Variants in EPB41L4A observed in about 807,000 individuals in gnomAD.
EPB41L4A encodes the protein band 4.1-like protein 4A.
Under a neutral mutation model 108.6 loss-of-function variants are expected in EPB41L4A, and 100 were observed. The ratio of observed to expected loss-of-function variants is 0.92; its 90% confidence interval spans 0.78 to 1.09. The LOEUF is 1.09. EPB41L4A is among the 50% of genes least tolerant of loss of function. EPB41L4A has a pLI of 0.00. For missense variants in EPB41L4A, 1,030 were observed against 842.7 expected (o/e 1.22, Z -2.75); for synonymous variants, 319 against 289.0 (o/e 1.10, Z -1.05).
At chr5:112,367,655 T>C (rs1759218822) in intron 1 of EPB41L4A, among the ~76,000 whole-genome samples, 1 of 152,206 alleles carries the variant, frequency 6.6e-6, no homozygotes, top group Non-Finnish European at 1.5e-5. Flanking sequence ...AGCAAGTGCG[T>C]CACAAATTCA....
chr5:112,193,303 T>C (rs1761797779), intron 17 of EPB41L4A, among the ~76,000 whole-genome samples: 1 of 152,178 alleles, frequency 6.6e-6, no homozygotes, highest in African/African-American at 2.4e-5. Flanking sequence ...TTTCTTTCTT[T>C]CTTTTTTTTT....
intron 19 of EPB41L4A, among the ~76,000 whole-genome samples, 198 bp from the exon 20 acceptor site, chr5:112,170,567 C>T (rs189649602): frequency 1.3e-5 from 2 of 152,200 alleles, no homozygotes; most frequent in Non-Finnish European, 2.9e-5. Flanking sequence ...CTTTTGCCTT[C>T]TTTCAATTCT....
intron 1 of EPB41L4A, among the ~76,000 whole-genome samples, chr5:112,316,547 C>T (rs922299995): frequency 6.6e-6 from 1 of 152,094 alleles, no homozygotes; most frequent in Admixed American, 6.6e-5. Flanking sequence ...TAAGAGTTAC[C>T]CTCACCCTCC....
chr5:112,339,484 A>ATATC (rs70973633), intron 1 of EPB41L4A, among the ~76,000 whole-genome samples: 1 of 35,300 alleles, frequency 2.8e-5, no homozygotes, highest in African/African-American at 8.1e-5. Flanking sequence ...CTATATATAT[A>ATATC]TATATATATA....
intron 1 of EPB41L4A, among the ~76,000 whole-genome samples, chr5:112,384,240 G>C (rs1264337867): frequency 3.3e-5 from 5 of 152,176 alleles, no homozygotes; most frequent in Non-Finnish European, 7.3e-5. Flanking sequence ...TCAGTGGGTA[G>C]ACTGATATGT....
chr5:112,166,570 T>A (rs986684120), intron 22 of EPB41L4A, among the ~76,000 whole-genome samples: 1 of 78,510 alleles, frequency 1.3e-5, no homozygotes, highest in Non-Finnish European at 2.2e-5. Flanking sequence ...TAAATGCCAC[T>A]CTCTGAGATG....
intron 1 of EPB41L4A, among the ~76,000 whole-genome samples, chr5:112,345,257 T>G (rs897600970): frequency 6.6e-6 from 1 of 152,050 alleles, no homozygotes; most frequent in Non-Finnish European, 1.5e-5. Flanking sequence ...AATCCACAAC[T>G]GAGAAAAAAG....
In EPB41L4A at chr5:112,403,195, T is replaced by C. The variant is rs993154549; in HGVS notation, c.99+15746A>G. Among the ~76,000 whole-genome samples, 3 of 152,144 alleles carry C rather than the reference T, an allele frequency of 2.0e-5. No individual in the cohort carries two copies. The East Asian group carries it at 5.8e-4, about 29-fold the overall frequency. On this transcript the variant is annotated intron_variant, in intron 1 of 22. Coordinates refer to ENST00000261486, the MANE Select transcript of EPB41L4A (RefSeq NM_022140.5). ...TTTATAGCTGTTCTCTGGGAATCTG[T>C]GTCTGTTTCTATGACACTGTCAAAA...
rs568717704 is a variant in EPB41L4A at position 112,400,192 on chromosome 5, G to A, written c.99+18749C>T. Among the ~76,000 whole-genome samples, 506 of 152,094 alleles carry A rather than the reference G, an allele frequency of 3.3e-3. 3 individuals are homozygous for A. Among genetic ancestry groups the A allele is most frequent in the African/African-American group, 0.012 (486 of 41,462 alleles). ...CAAGGTGGTAGGAAAGAGAGAGGGG[G>A]GTGAAGAGAACTACCAAACACTTTT... On this transcript the variant is annotated intron_variant, in intron 1 of 22. Transcript: ENST00000261486.
At chr5:112,294,774 C>G (rs1252090458) in intron 2 of EPB41L4A, among the ~76,000 whole-genome samples, 1 of 151,574 alleles carries the variant, frequency 6.6e-6, no homozygotes, top group African/African-American at 2.4e-5. Flanking sequence ...GGGTGGGGAA[C>G]TGAAAAGTCA....
chr5:112,376,850 G>A (rs1759854584), intron 1 of EPB41L4A, among the ~76,000 whole-genome samples: 1 of 152,136 alleles, frequency 6.6e-6, no homozygotes, highest in African/African-American at 2.4e-5. Context: ...ACAGAGAATA[G>A]ATTCTTGGTT....
intron 1 of EPB41L4A, among the ~76,000 whole-genome samples, chr5:112,400,562 G>T (rs1299570976): frequency 6.6e-6 from 1 of 151,954 alleles, no homozygotes; most frequent in Non-Finnish European, 1.5e-5. Context: ...GTCAGAGGGA[G>T]GTGCCACACA....
intron 1 of EPB41L4A, among the ~76,000 whole-genome samples, chr5:112,411,989 C>T (rs1285108951): frequency 2.6e-5 from 4 of 152,190 alleles, no homozygotes; most frequent in Non-Finnish European, 5.9e-5. Flanking sequence ...AAACAAAGCA[C>T]TTTCTAACCA....
At chr5:112,158,132 G>GGGAAGAGATACAAAGGGA (rs1434167602), downstream of EPB41L4A, among the ~76,000 whole-genome samples, 1 of 152,122 alleles carries the variant, frequency 6.6e-6, no homozygotes, top group Non-Finnish European at 1.5e-5. Context: ...GGAAAGTTTA[G>GGGAAGAGATACAAAGGGA]GGAAGAGATA....
chr5:112,210,346 C>G (rs17134250), intron 12 of EPB41L4A, among the ~76,000 whole-genome samples: 20,730 of 152,016 alleles, frequency 0.14, 3,711 homozygotes, highest in African/African-American at 0.41. Flanking sequence ...TTGATGACTA[C>G]TTGTGAAGAA....
At chr5:112,342,631 T>TCAGCAGC (rs898217109) in intron 1 of EPB41L4A, among the ~76,000 whole-genome samples, 7 of 152,174 alleles carry the variant, frequency 4.6e-5, no homozygotes, top group Non-Finnish European at 8.8e-5. Flanking sequence ...CAGTCAGCAG[T>TCAGCAGC]CAGCAGCCAG....
At chr5:112,408,044 G>C (rs1762176055) in intron 1 of EPB41L4A, among the ~76,000 whole-genome samples, 1 of 152,160 alleles carries the variant, frequency 6.6e-6, no homozygotes, top group African/African-American at 2.4e-5. Flanking sequence ...AAATAAACAA[G>C]ATGCATAAAG....
chr5:112,195,572 A>T, intron 16 of EPB41L4A, 89 bp downstream of exon 16: 1 of 1,092,778 alleles, frequency 9.2e-7, no homozygotes, highest in South Asian at 1.4e-5. Flanking sequence ...AAAAAAAAAT[A>T]ATGCCCCCGC....
chr5:112,360,508 C>T (rs570659615), intron 1 of EPB41L4A, among the ~76,000 whole-genome samples: 86 of 152,324 alleles, frequency 5.6e-4, no homozygotes, highest in African/African-American at 2.0e-3. Context: ...CTCCTGACCG[C>T]GAGTGATCTG....
Sources: gnomAD v4.1 joint callset for allele counts (sites outside exome capture counted in the v4.1 genomes callset) on GRCh38, gnomAD v4.1.1 for gene constraint, MANE v1.5 for transcripts, NCBI Gene and HGNC (gene_info 2026-07-23, HGNC 2026-07-21) for gene names.